Variants in RHNO1 observed in about 807,000 individuals in gnomAD.
RHNO1 encodes the protein RAD9, HUS1, RAD1-interacting nuclear orphan protein 1.
A neutral mutation model predicts 7.2 loss-of-function variants in RHNO1; 9 were observed. The ratio of observed to expected loss-of-function variants is 1.25; its 90% CI spans 0.75 to 2.18. RHNO1 has a LOEUF of 2.18. Ranked by LOEUF, RHNO1 falls within the 30% of genes most tolerant of loss-of-function variation. RHNO1 has a pLI of 0.00. For synonymous variants in RHNO1, 95 were observed against 107.5 expected (o/e 0.88, Z 0.72); for missense variants, 292 against 284.5 (o/e 1.03, Z -0.19).
Position 2,888,038 on chromosome 12 carries a change from C to T in RHNO1, c.296C>T (p.Pro99Leu), listed in dbSNP as rs753292383. ...TTTCCACATCTAACTTTTGAGAGTC[C>T]GCAATCTTCCAGTTCAGAGACATTG... is the stretch of plus-strand genomic sequence containing the variant. ...SKFPHLTFES[P>L]QSSSSETLGI... The change falls in exon 3 of 3, where the codon CCG (proline) becomes CTG (leucine). Residue 99 changes from proline (P) to leucine (L), a missense_variant. Coordinates refer to ENST00000489288, the MANE Select transcript of RHNO1 (RefSeq NM_001252499.3). 2.1e-5 allele frequency: 34 copies of T among 1,613,936 alleles called. No individual in the cohort carries two copies. Among genetic ancestry groups the T allele is most frequent in the East Asian group, 6.7e-5 (3 of 44,882 alleles).
intron 2 of RHNO1, 156 bp downstream of exon 2, chr12:2,885,690 T>G: frequency 1.7e-6 from 1 of 602,428 alleles, no homozygotes; most frequent in East Asian, 3.4e-5. Flanking sequence ...TTCTCCTGCC[T>G]CAGCCTCCCG....
At chr12:2,877,648 T>A (rs533614508) in intron 1 of RHNO1, among the ~76,000 whole-genome samples, 22 of 152,092 alleles carry the variant, frequency 1.4e-4, no homozygotes, top group Non-Finnish European at 3.1e-4. Context: ...TGAAAAAAAA[T>A]GTCGGCACCA....
rs1300591113 is a variant in RHNO1 at position 2,883,503 on chromosome 12, ATATATATATTTT to A, written c.-84-1778_-84-1767del. Among the ~76,000 whole-genome samples, 69 of 34,774 alleles carry A rather than the reference ATATATATATTTT, an allele frequency of 2.0e-3. 1 individual carries two copies. Among genetic ancestry groups the A allele is most frequent in the East Asian group, 0.012 (13 of 1,120 alleles). 22.8% of individuals were successfully genotyped at this position (34,774 alleles called of 152,430 possible). ...TATATATATATATATATATATATAT[ATATATATATTTT>A]TTTTTTTTTTTTTTTTTTTGAGACG... On this transcript the variant is annotated intron_variant, in intron 1 of 2. Coordinates refer to ENST00000489288, the MANE Select transcript of RHNO1 (RefSeq NM_001252499.3).
intron 1 of RHNO1, among the ~76,000 whole-genome samples, chr12:2,883,548 A>G (rs1490532948): frequency 8.9e-5 from 8 of 89,782 alleles, no homozygotes; most frequent in African/African-American, 1.2e-4. Context: ...ACGGAGTTTC[A>G]CTCTTGTTGC....
At chr12:2,883,497 ATATATATATATATAT>A (rs1464817913) in intron 1 of RHNO1, among the ~76,000 whole-genome samples, 1 of 23,902 alleles carries the variant, frequency 4.2e-5, no homozygotes, top group Non-Finnish European at 7.7e-5. Flanking sequence ...ATATATATAT[ATATATATATATATAT>A]TTTTTTTTTT....
At chr12:2,876,925 G>C (rs1565482912), upstream of RHNO1, 1 of 152,288 alleles carries the variant, frequency 6.6e-6, no homozygotes, top group African/African-American at 2.4e-5. Flanking sequence ...CTCACCTCCA[G>C]ACTGCAGTCG....
At chr12:2,886,014 G>C (rs2098165254) in intron 2 of RHNO1, 1 of 152,594 alleles carries the variant, frequency 6.6e-6, no homozygotes, top group African/African-American at 2.4e-5. Flanking sequence ...TAAGATTCAT[G>C]GGGGCGGGGG....
intron 1 of RHNO1, among the ~76,000 whole-genome samples, chr12:2,883,489 ATATATATATATATATATATATATT>A (rs1364363810): frequency 1.1e-4 from 2 of 19,008 alleles, no homozygotes; most frequent in South Asian, 3.0e-3. Context: ...ATATATATAT[ATATATATATATATATATATATATT>A]TTTTTTTTTT....
chr12:2,883,763 G>A (rs376344565), intron 1 of RHNO1, among the ~76,000 whole-genome samples: 3 of 151,486 alleles, frequency 2.0e-5, no homozygotes, highest in Admixed American at 1.3e-4. Context: ...TGATCCACCC[G>A]CCTCGGCCTT....
At chr12:2,884,210 A>AC (rs2098162624) in intron 1 of RHNO1, among the ~76,000 whole-genome samples, 1 of 150,098 alleles carries the variant, frequency 6.7e-6, no homozygotes, top group African/African-American at 2.5e-5. Context: ...ACAGGCATGC[A>AC]CCACCACACC....
At chr12:2,878,430 A>G (rs1474722390) in intron 1 of RHNO1, among the ~76,000 whole-genome samples, 1 of 152,002 alleles carries the variant, frequency 6.6e-6, no homozygotes. Flanking sequence ...GGTTTGAGCT[A>G]ATCGACCTGA....
chr12:2,882,749 T>C (rs564931253), intron 1 of RHNO1, among the ~76,000 whole-genome samples: 2 of 151,808 alleles, frequency 1.3e-5, no homozygotes, highest in Admixed American at 6.6e-5. Flanking sequence ...AGGGGTTGAG[T>C]TGACTGTTAT....
At position 2,888,829 on chromosome 12, in the gene RHNO1, T is replaced by A; in HGVS notation, c.*370T>A. 1 of 179,544 alleles carries A rather than the reference T, an allele frequency of 5.6e-6. No homozygotes were observed. The highest frequency in any genetic ancestry group is 1.2e-5 in the Non-Finnish European group (1 of 84,688). The allele number at this position is 179,544 out of a possible 1,614,324, so 11.1% of individuals were successfully genotyped here. On this transcript the variant is annotated 3_prime_UTR_variant, in exon 3 of 3. Transcript: ENST00000489288. ...GCCGAGATTTGTTTTCTAAGATACT[T>A]TGTGTCATGAACAGTTCAGTTTAGT...
At chr12:2,883,511 A>ATATATATATATATATTT (rs2098161542) in intron 1 of RHNO1, among the ~76,000 whole-genome samples, 1 of 26,846 alleles carries the variant, frequency 3.7e-5, no homozygotes, top group Non-Finnish European at 6.4e-5. Flanking sequence ...ATATATATAT[A>ATATATATATATATATTT]TTTTTTTTTT....
In RHNO1 at chr12:2,889,072, A is replaced by C. The variant is rs1037806491; in HGVS notation, c.*613A>C. 6.6e-6 allele frequency: 1 copy of C among 152,062 alleles called. No individual in the cohort carries two copies. The highest frequency in any genetic ancestry group is 2.4e-5 in the African/African-American group (1 of 41,398). 9.4% of individuals were successfully genotyped at this position (152,062 alleles called of 1,614,324 possible). A position where few individuals can be genotyped will look rare whatever the true frequency, so the allele number is the denominator to read the frequency against. ...AATCCTTAATCACCTCATTCAAACT[A>C]ATTCATTCTGCATTTTTGAGTACCA... On this transcript the variant is annotated 3_prime_UTR_variant, in exon 3 of 3. Transcript: ENST00000489288.
chr12:2,879,657 C>G (rs944457888), intron 1 of RHNO1, among the ~76,000 whole-genome samples: 1 of 151,586 alleles, frequency 6.6e-6, no homozygotes, highest in African/African-American at 2.4e-5. Context: ...ATTTGAGGTG[C>G]GTTTGAAATA....
intron 2 of RHNO1, among the ~76,000 whole-genome samples, chr12:2,887,449 C>T (rs2098166905): frequency 6.8e-6 from 1 of 147,638 alleles, no homozygotes; most frequent in Non-Finnish European, 1.5e-5. Flanking sequence ...TGCACTCCAG[C>T]CTGGGCGACA....
rs1461462482 is a variant in RHNO1 at position 2,888,340 on chromosome 12, A to G, written c.598A>G (p.Lys200Glu). Residue 200 changes from lysine (K) to glutamate (E), a missense_variant, in exon 3 of 3, where the codon AAA becomes GAA. Transcript: ENST00000489288. ...CCCAGAGCCTGGACCTGTTCTGGTT[A>G]AAGACACCCCCGAGGACAAGTATGG... ...NSPEPGPVLV[K>E]DTPEDKYGIK... The G allele has an allele frequency of 6.2e-7, 1 of 1,614,196 alleles. No homozygotes were observed. The highest frequency in any genetic ancestry group is 8.5e-7 in the Non-Finnish European group (1 of 1,180,022).
intron 1 of RHNO1, among the ~76,000 whole-genome samples, chr12:2,883,066 C>CAAAAA (rs776370244): frequency 2.7e-5 from 1 of 36,514 alleles, no homozygotes; most frequent in Non-Finnish European, 5.3e-5. Context: ...GGCCCTGTCT[C>CAAAAA]AAAAAAAAAA....
Sources: allele counts gnomAD v4.1 joint callset (sites outside exome capture counted in the v4.1 genomes callset), GRCh38; gene constraint gnomAD v4.1.1; transcripts MANE v1.5; gene names NCBI Gene and HGNC (gene_info 2026-07-23, HGNC 2026-07-21).